The following RNGTT variants were observed in gnomAD, a reference collection of about 807,000 sequenced individuals.
The protein encoded by RNGTT is mRNA-capping enzyme.
RNGTT carries 33 observed loss-of-function variants against 79.3 expected under a neutral mutation model. The observed-to-expected ratio is 0.42, with a 90% CI of 0.32 to 0.56. The LOEUF is 0.56. Ranked by LOEUF, RNGTT falls within the 20% of genes least tolerant of loss-of-function variation. The pLI, the probability that RNGTT is intolerant of heterozygous loss-of-function variation, is 0.17. For missense variants in RNGTT, 497 were observed against 739.1 expected, an observed-to-expected ratio of 0.67 and a Z score of 3.80; for synonymous variants, 222 against 235.9, an observed-to-expected ratio of 0.94 and a Z score of 0.54.
Position 88,904,630 on chromosome 6 carries a change from A to G in RNGTT, c.684+85T>C, listed in dbSNP as rs559665688. 5.7e-5 allele frequency: 81 copies of G among 1,409,848 alleles called. No homozygotes were observed. The South Asian group carries it at 1.0e-3, about 17-fold the overall frequency. The allele number at this position is 1,409,848 out of a possible 1,614,324, so 87.3% of individuals were successfully genotyped here. On this transcript the variant is annotated intron_variant, in intron 6 of 15. Transcript: ENST00000369485. Reference sequence around the variant, plus strand: ...ATCTGACAAACCTAGCTAAAGAAACATGGCCAATATTCCATTTTTATAAAT... The same window carrying G: ...ATCTGACAAACCTAGCTAAAGAAACGTGGCCAATATTCCATTTTTATAAAT...
At position 88,911,998 on chromosome 6, in the gene RNGTT, G is replaced by A. The variant is rs6926804; in HGVS notation, c.368-5558C>T. Among the ~76,000 whole-genome samples, 803 of 152,186 alleles carry A rather than the reference G, an allele frequency of 5.3e-3. 7 individuals are homozygous for A. The highest frequency in any genetic ancestry group is 0.018 in the African/African-American group (766 of 41,504). Reference sequence around the variant, plus strand: ...TGGGGAGTGCTGAGGTGGGAGGATTGCTTGAACCCAGGAGGTCGAGGCTGC... The same window carrying A: ...TGGGGAGTGCTGAGGTGGGAGGATTACTTGAACCCAGGAGGTCGAGGCTGC... On this transcript the variant is annotated intron_variant, in intron 4 of 15. Coordinates refer to ENST00000369485, the MANE Select transcript of RNGTT (RefSeq NM_003800.5).
At chr6:88,877,942 G>C (rs1476317786) in intron 8 of RNGTT, among the ~76,000 whole-genome samples, 1 of 151,962 alleles carries the variant, frequency 6.6e-6, no homozygotes, top group Non-Finnish European at 1.5e-5. Flanking sequence ...GACGAGATCT[G>C]GCTTACATTC....
At chr6:88,807,320 C>T (rs190146563) in intron 11 of RNGTT, among the ~76,000 whole-genome samples, 142 of 151,880 alleles carry the variant, frequency 9.3e-4, no homozygotes, top group Admixed American at 2.7e-3. Context: ...CATGCATAAA[C>T]GGATATGGAG....
chr6:88,929,605 T>A (rs1023217886), intron 2 of RNGTT, among the ~76,000 whole-genome samples: 3 of 152,130 alleles, frequency 2.0e-5, no homozygotes, highest in African/African-American at 7.2e-5. Flanking sequence ...CCTCTGCACC[T>A]GTGATTTATT....
chr6:88,920,218 T>C (rs1239334911), intron 4 of RNGTT, among the ~76,000 whole-genome samples: 1 of 152,206 alleles, frequency 6.6e-6, no homozygotes, highest in African/African-American at 2.4e-5. Flanking sequence ...CCCCCTCAGA[T>C]ACCAAAATCC....
intron 13 of RNGTT, among the ~76,000 whole-genome samples, chr6:88,726,475 T>G (rs1562219579): frequency 6.6e-6 from 1 of 151,884 alleles, no homozygotes; most frequent in Non-Finnish European, 1.5e-5. Context: ...AAAGATGATT[T>G]AACATTAACC....
chr6:88,900,764 A>G (rs1263617021), intron 6 of RNGTT, among the ~76,000 whole-genome samples: 1 of 151,680 alleles, frequency 6.6e-6, no homozygotes, highest in Non-Finnish European at 1.5e-5. Flanking sequence ...ATAAAAAAAA[A>G]AAACAAGAAA....
intron 2 of RNGTT, among the ~76,000 whole-genome samples, chr6:88,931,687 G>A (rs1003735434): frequency 6.6e-6 from 1 of 152,170 alleles, no homozygotes; most frequent in African/African-American, 2.4e-5. Flanking sequence ...ATGGCCATAT[G>A]CATATTACTG....
chr6:88,729,703 T>C lies in RNGTT; in HGVS notation c.1439+40071A>G, dbSNP rs995773220. Reference sequence around the variant, plus strand: ...AAAATTGTGATAGGCTTAGACATGATATTAGCAAAAAGAGGAGTTTGTGTC... The same window carrying C: ...AAAATTGTGATAGGCTTAGACATGACATTAGCAAAAAGAGGAGTTTGTGTC... On this transcript the variant is annotated intron_variant, in intron 13 of 15. Coordinates refer to ENST00000369485, the MANE Select transcript of RNGTT (RefSeq NM_003800.5). Among the ~76,000 whole-genome samples, 15 of 152,256 alleles carry C rather than the reference T, an allele frequency of 9.9e-5. No individual in the cohort carries two copies. The South Asian group carries it at 2.9e-3, about 29-fold the overall frequency.
intron 12 of RNGTT, among the ~76,000 whole-genome samples, chr6:88,791,039 G>T (rs1779388897): frequency 6.6e-6 from 1 of 151,898 alleles, no homozygotes; most frequent in Non-Finnish European, 1.5e-5. Flanking sequence ...TACATTATAT[G>T]GCAAAAGAGA....
At chr6:88,950,548 A>C (rs1435111844) in intron 1 of RNGTT, among the ~76,000 whole-genome samples, 1 of 152,226 alleles carries the variant, frequency 6.6e-6, no homozygotes, top group African/African-American at 2.4e-5. Context: ...AGAAAGTCAA[A>C]ATATCAACAG....
intron 14 of RNGTT, among the ~76,000 whole-genome samples, chr6:88,667,152 C>T (rs894206370): frequency 6.6e-6 from 1 of 152,180 alleles, no homozygotes; most frequent in African/African-American, 2.4e-5. Context: ...TCAGTCACGG[C>T]CCCTCTGCTC....
chr6:88,740,746 C>A (rs1318088813), intron 13 of RNGTT, among the ~76,000 whole-genome samples: 2 of 152,036 alleles, frequency 1.3e-5, no homozygotes, highest in East Asian at 3.9e-4. Context: ...GAACAACACA[C>A]ACCAAGGCCT....
At chr6:88,701,363 C>G (rs904029496) in intron 13 of RNGTT, among the ~76,000 whole-genome samples, 1 of 152,016 alleles carries the variant, frequency 6.6e-6, no homozygotes, top group Non-Finnish European at 1.5e-5. Context: ...AATTAAGTTT[C>G]CTGAGTAGTT....
intron 13 of RNGTT, among the ~76,000 whole-genome samples, chr6:88,716,939 C>A (rs1776538289): frequency 6.6e-6 from 1 of 152,070 alleles, no homozygotes; most frequent in African/African-American, 2.4e-5. Flanking sequence ...GCATGTTGTG[C>A]ACATGTACCC....
chr6:88,950,590 T>G (rs926234642), intron 1 of RNGTT, among the ~76,000 whole-genome samples: 12 of 152,166 alleles, frequency 7.9e-5, no homozygotes, highest in African/African-American at 2.7e-4. Context: ...CCCTCATGGA[T>G]GACTTTGAGG....
At chr6:88,620,037 C>T (rs1314319192) in intron 14 of RNGTT, among the ~76,000 whole-genome samples, 1 of 152,170 alleles carries the variant, frequency 6.6e-6, no homozygotes, top group Non-Finnish European at 1.5e-5. Flanking sequence ...ATACGTGTCA[C>T]GTTACCTTTT....
At chr6:88,911,765 A>G (rs779397151) in intron 4 of RNGTT, among the ~76,000 whole-genome samples, 3 of 152,072 alleles carry the variant, frequency 2.0e-5, no homozygotes, top group Non-Finnish European at 2.9e-5. Flanking sequence ...TTAAAAGGAA[A>G]ATTCACAGCA....
chr6:88,763,076 A>G (rs1778323316), intron 13 of RNGTT, among the ~76,000 whole-genome samples: 1 of 140,856 alleles, frequency 7.1e-6, no homozygotes, highest in Admixed American at 7.2e-5. Context: ...GGCATGTGCC[A>G]TCATGGCCAG....
Sources: gnomAD v4.1 joint callset for allele counts (sites outside exome capture counted in the v4.1 genomes callset) on GRCh38, gnomAD v4.1.1 for gene constraint, MANE v1.5 for transcripts, NCBI Gene and HGNC (gene_info 2026-07-23, HGNC 2026-07-21) for gene names.